Variants in SNCAIP observed in about 807,000 individuals in gnomAD.
SNCAIP encodes the protein synphilin-1.
In SNCAIP, 43 loss-of-function variants were observed where a neutral mutation model predicts 86.7. That is an observed-to-expected ratio of 0.50 (90% CI 0.39 to 0.64). The LOEUF (loss-of-function observed/expected upper bound fraction) is 0.64, where lower values mean the gene tolerates loss of function less well. Among genes scored for constraint, SNCAIP ranks in the 30% least tolerant of loss-of-function variants. The pLI is 0.00. For missense variants in SNCAIP, 981 were observed against 1,103.1 expected, an observed-to-expected ratio of 0.89 and a Z score of 1.57; for synonymous variants, 417 against 427.2, an observed-to-expected ratio of 0.98 and a Z score of 0.29.
In SNCAIP at chr5:122,363,695, A is replaced by C. The variant is rs1286837319; in HGVS notation, c.-46-27394A>C. Among the ~76,000 whole-genome samples the C allele has an allele frequency of 2.0e-5, 3 of 146,798 alleles. 1 individual carries two copies. In the East Asian group the frequency reaches 6.0e-4, roughly 29 times the overall value. ...CACTGGTAAGGAGTTAAAAAAAAAAACCCCCTCTTGGTTGGTTTAATAGTT... is the reference window on the plus strand; with the variant it reads ...CACTGGTAAGGAGTTAAAAAAAAAACCCCCCTCTTGGTTGGTTTAATAGTT... On this transcript the variant is annotated intron_variant, in intron 1 of 10. Coordinates refer to ENST00000261368, the MANE Select transcript of SNCAIP (RefSeq NM_005460.4).
At chr5:122,318,871 A>G (rs1311962802) in intron 1 of SNCAIP, among the ~76,000 whole-genome samples, 3 of 151,504 alleles carry the variant, frequency 2.0e-5, no homozygotes, top group African/African-American at 7.3e-5. Flanking sequence ...AATATTTATG[A>G]GGCACTCTGT....
At chr5:122,329,201 T>C (rs1754757843) in intron 1 of SNCAIP, among the ~76,000 whole-genome samples, 1 of 151,348 alleles carries the variant, frequency 6.6e-6, no homozygotes, top group African/African-American at 2.4e-5. Flanking sequence ...CTAATTTGTT[T>C]ACATACATTA....
intron 1 of SNCAIP, among the ~76,000 whole-genome samples, chr5:122,376,575 G>C (rs1196058461): frequency 2.6e-5 from 4 of 152,014 alleles, no homozygotes; most frequent in Admixed American, 1.3e-4. Flanking sequence ...ACCTCATTAG[G>C]TCATAGTTTT....
intron 3 of SNCAIP, among the ~76,000 whole-genome samples, chr5:122,413,884 C>T (rs868183959): frequency 1.6e-4 from 25 of 152,178 alleles, no homozygotes; most frequent in African/African-American, 6.0e-4. Context: ...TTCCACTCAA[C>T]TGTTTTTAAG....
chr5:122,387,263 A>G (rs899903766), intron 1 of SNCAIP, among the ~76,000 whole-genome samples: 3 of 151,818 alleles, frequency 2.0e-5, no homozygotes, highest in African/African-American at 7.3e-5. Flanking sequence ...GGTTCAAGTG[A>G]TTCTCCTGCC....
At chr5:122,442,780 A>G (rs1360908840) in intron 7 of SNCAIP, among the ~76,000 whole-genome samples, 1 of 152,200 alleles carries the variant, frequency 6.6e-6, no homozygotes, top group African/African-American at 2.4e-5. Flanking sequence ...ATGTGAAGAG[A>G]GACAGTCTTT....
At chr5:122,345,653 T>A (rs1334331850) in intron 1 of SNCAIP, among the ~76,000 whole-genome samples, 2 of 151,874 alleles carry the variant, frequency 1.3e-5, no homozygotes, top group Non-Finnish European at 2.9e-5. Context: ...TTATCCCTCC[T>A]GGACTCCAAC....
At chr5:122,357,635 T>G (rs534553218) in intron 1 of SNCAIP, among the ~76,000 whole-genome samples, 70 of 152,034 alleles carry the variant, frequency 4.6e-4, no homozygotes, top group Non-Finnish European at 7.9e-4. Flanking sequence ...TTTTTTTTCT[T>G]TATTGTACCT....
chr5:122,444,302 C>T, intron 7 of SNCAIP: 1 of 540,810 alleles, frequency 1.8e-6, no homozygotes, highest in Non-Finnish European at 3.5e-6. Flanking sequence ...GACTGCACTG[C>T]ATATCTCATA....
At chr5:122,444,479 A>G in intron 7 of SNCAIP, 84 bp from the exon 8 acceptor site, 1 of 1,284,652 alleles carries the variant, frequency 7.8e-7, no homozygotes, top group Non-Finnish European at 1.1e-6. Flanking sequence ...GGCTCTCTTC[A>G]TACTATTCAA....
At chr5:122,424,425 G>A (rs530818343) in intron 4 of SNCAIP, among the ~76,000 whole-genome samples, 3 of 152,240 alleles carry the variant, frequency 2.0e-5, no homozygotes, top group African/African-American at 7.2e-5. Flanking sequence ...TTCCAGACTT[G>A]GATCAAACAG....
chr5:122,338,072 C>T (rs1030616390), intron 1 of SNCAIP, among the ~76,000 whole-genome samples: 6 of 152,078 alleles, frequency 3.9e-5, no homozygotes, highest in Admixed American at 1.3e-4. Context: ...CAATCTCAAC[C>T]GGAAGTATTT....
intron 2 of SNCAIP, chr5:122,401,238 TGTAAG>T (rs1771752940): frequency 9.8e-7 from 1 of 1,020,846 alleles, no homozygotes; most frequent in Admixed American, 3.3e-5. Context: ...AATGCATACT[TGTAAG>T]GGAGACTTCT....
intron 2 of SNCAIP, among the ~76,000 whole-genome samples, chr5:122,400,108 G>T (rs192734043): frequency 6.6e-6 from 1 of 152,124 alleles, no homozygotes; most frequent in East Asian, 1.9e-4. Context: ...ATTTCAGGTA[G>T]ATGGAGTAGC....
intron 1 of SNCAIP, among the ~76,000 whole-genome samples, chr5:122,375,262 C>T (rs1765058771): frequency 6.6e-6 from 1 of 151,638 alleles, no homozygotes; most frequent in African/African-American, 2.4e-5. Context: ...TTTATAAAAC[C>T]TTCATAATAA....
At chr5:122,393,720 T>C (rs1393013042) in intron 2 of SNCAIP, among the ~76,000 whole-genome samples, 1 of 152,224 alleles carries the variant, frequency 6.6e-6, no homozygotes, top group Non-Finnish European at 1.5e-5. Context: ...ATGTCAGTAG[T>C]ACTGAGGATA....
At chr5:122,403,520 G>A (rs1772281568) in intron 2 of SNCAIP, among the ~76,000 whole-genome samples, 1 of 152,144 alleles carries the variant, frequency 6.6e-6, no homozygotes, top group African/African-American at 2.4e-5. Context: ...TGATAAGAGG[G>A]AGAGAGTGTC....
chr5:122,334,602 T>C (rs1756048468), intron 1 of SNCAIP, among the ~76,000 whole-genome samples: 1 of 152,174 alleles, frequency 6.6e-6, no homozygotes, highest in African/African-American at 2.4e-5. Context: ...CGTCAGGTGG[T>C]AACGTTGAGG....
intron 1 of SNCAIP, among the ~76,000 whole-genome samples, chr5:122,322,349 C>T (rs1249684231): frequency 6.6e-6 from 1 of 152,168 alleles, no homozygotes; most frequent in Admixed American, 6.5e-5. Context: ...TCCATAAAAC[C>T]ATACTAACCA....
Sources: allele counts gnomAD v4.1 joint callset (sites outside exome capture counted in the v4.1 genomes callset), GRCh38; gene constraint gnomAD v4.1.1; transcripts MANE v1.5; gene names NCBI Gene and HGNC (gene_info 2026-07-23, HGNC 2026-07-21).